The following VPS8 variants were observed in gnomAD, a reference collection of about 807,000 sequenced individuals.
VPS8 encodes vacuolar protein sorting-associated protein 8 homolog.
Under a neutral mutation model 216.4 loss-of-function variants are expected in VPS8, and 129 were observed. The ratio of observed to expected loss-of-function variants is 0.60; its 90% CI spans 0.52 to 0.69. The LOEUF (loss-of-function observed/expected upper bound fraction) is 0.69. Ranked by LOEUF, VPS8 falls within the 30% of genes least tolerant of loss-of-function variation. The pLI is 0.00. For synonymous variants in VPS8, 571 were observed against 565.4 expected (o/e 1.01, Z -0.14); for missense variants, 1,531 against 1,683.5 (o/e 0.91, Z 1.59).
chr3:184,930,960 T>C (rs1479296934), intron 34 of VPS8, among the ~76,000 whole-genome samples: 4 of 152,208 alleles, frequency 2.6e-5, no homozygotes, highest in African/African-American at 9.7e-5. Flanking sequence ...TTCTCTTCCT[T>C]ATATAACAGG....
chr3:184,863,152 T>C, intron 16 of VPS8, 85 bp downstream of exon 16: 6 of 1,498,474 alleles, frequency 4.0e-6, no homozygotes, highest in Non-Finnish European at 5.4e-6. Flanking sequence ...AAATAGGAAC[T>C]CTGGGGAGTT....
At chr3:184,858,454 T>A (rs1284582493) in intron 14 of VPS8, among the ~76,000 whole-genome samples, 1 of 152,240 alleles carries the variant, frequency 6.6e-6, no homozygotes, top group African/African-American at 2.4e-5. Context: ...CTTGGGAATT[T>A]AATCATGCCA....
At chr3:184,928,420 G>C (rs1416198300) in intron 31 of VPS8, 31 bp from the exon 32 acceptor site, 1 of 1,511,060 alleles carries the variant, frequency 6.6e-7, no homozygotes, top group Non-Finnish European at 8.8e-7. Context: ...AAATTCTCAA[G>C]TGTTTTTACT....
In VPS8 at chr3:184,826,160, T is replaced by C. The variant is rs1219878004; in HGVS notation, c.154-3T>C. 1 of 1,603,940 alleles carries C rather than the reference T, an allele frequency of 6.2e-7. No individual in the cohort carries two copies. The highest frequency in any genetic ancestry group is 1.7e-5 in the Admixed American group (1 of 59,202). On this transcript the variant is annotated splice_polypyrimidine_tract_variant and splice_region_variant and intron_variant, in intron 2 of 47. Transcript: ENST00000625842. ...GTGAGCACTATTTTTTTTCTTTATT[T>C]AGATTGATGACAAGGAGTTTGATAT...
chr3:184,892,949 T>C (rs1389024225), intron 22 of VPS8, among the ~76,000 whole-genome samples: 1 of 152,218 alleles, frequency 6.6e-6, no homozygotes, highest in African/African-American at 2.4e-5. Context: ...TGTTACTTTT[T>C]CTTTCTTACA....
Position 184,975,269 on chromosome 3 carries a change from T to A in VPS8, c.3420+3517T>A, listed in dbSNP as rs980877302. 2.0e-4 allele frequency among the ~76,000 whole-genome samples: 31 copies of A among 152,150 alleles called. 1 individual carries two copies. The highest frequency in any genetic ancestry group is 2.9e-5 in the Non-Finnish European group (2 of 67,976). ...ATATAAAGGTCTTTCACCTCCTTGG[T>A]TAAATGTATTCCTAGGTATTTTGTT... On this transcript the variant is annotated intron_variant, in intron 40 of 47. Coordinates refer to ENST00000625842, the MANE Select transcript of VPS8 (RefSeq NM_001009921.3).
At chr3:184,858,754 C>G (rs1263398642) in intron 14 of VPS8, among the ~76,000 whole-genome samples, 1 of 152,194 alleles carries the variant, frequency 6.6e-6, no homozygotes, top group Non-Finnish European at 1.5e-5. Flanking sequence ...AGAAAGTCAA[C>G]AAGCAAAATG....
intron 25 of VPS8, among the ~76,000 whole-genome samples, chr3:184,910,611 T>G (rs1375428004): frequency 6.6e-6 from 1 of 152,268 alleles, no homozygotes; most frequent in Admixed American, 6.5e-5. Flanking sequence ...ACTTCAGATG[T>G]GGGCAGACAA....
rs1399948472 is a variant in VPS8 at position 184,875,786 on chromosome 3, A to G, written c.1734+4981A>G. On this transcript the variant is annotated intron_variant, in intron 21 of 47. Coordinates refer to ENST00000625842, the MANE Select transcript of VPS8 (RefSeq NM_001009921.3). ...TGGATCACTTGAGCTCAGGAGTTTG[A>G]GACAGCCTTGGCAACATAGTGAAAC... 2.0e-5 allele frequency among the ~76,000 whole-genome samples: 3 copies of G among 149,862 alleles called. No homozygotes were observed. In the East Asian group the frequency reaches 5.9e-4, roughly 30 times the overall value.
At chr3:184,872,965 C>T (rs1382330852) in intron 21 of VPS8, among the ~76,000 whole-genome samples, 1 of 151,966 alleles carries the variant, frequency 6.6e-6, no homozygotes. Context: ...AGATACATAC[C>T]AGAAGTATCA....
At chr3:184,965,533 A>G (rs946322142) in intron 38 of VPS8, among the ~76,000 whole-genome samples, 31 of 152,238 alleles carry the variant, frequency 2.0e-4, no homozygotes, top group African/African-American at 7.5e-4. Context: ...CAGCAGCTTC[A>G]CTAGGGCTCC....
chr3:184,818,258 G>A (rs367966230), intron 1 of VPS8, among the ~76,000 whole-genome samples: 6 of 152,252 alleles, frequency 3.9e-5, no homozygotes, highest in Admixed American at 1.3e-4. Context: ...TGTGCTGGGC[G>A]TGGTGGCTTA....
chr3:184,913,469 G>C (rs1736936879), intron 25 of VPS8, 50 bp from the exon 26 acceptor site: 1 of 1,473,110 alleles, frequency 6.8e-7, no homozygotes, highest in Non-Finnish European at 9.3e-7. Context: ...TTATTTTTCT[G>C]AAAAGGTTTT....
intron 6 of VPS8, 44 bp from the exon 7 acceptor site, chr3:184,839,654 C>G (rs572143896): frequency 6.5e-7 from 1 of 1,547,326 alleles, no homozygotes; most frequent in Non-Finnish European, 8.8e-7. Flanking sequence ...TTTCAAGATT[C>G]TTAATGTAAT....
At position 184,866,021 on chromosome 3, in the gene VPS8, A is replaced by C. The variant is rs180704445; in HGVS notation, c.1396-855A>C. ...AAAAAAAGTTAAACATTGAATTACCAATCTGACTCAGAAGTTCTACTCCTA... is the reference window on the plus strand; with the variant it reads ...AAAAAAAGTTAAACATTGAATTACCCATCTGACTCAGAAGTTCTACTCCTA... On this transcript the variant is annotated intron_variant, in intron 16 of 47. Transcript: ENST00000625842. 2.0e-4 allele frequency among the ~76,000 whole-genome samples: 30 copies of C among 152,078 alleles called. No individual in the cohort carries two copies. In the East Asian group the frequency reaches 5.8e-3, roughly 29 times the overall value.
chr3:184,869,048 GA>G lies in VPS8; in HGVS notation c.1597+14del. ...AAAAGCAGTAGTGGGTGAGTAGGCA[GA>G]ATTCCAGTGTAGTAGACGTGGTTCT... On this transcript the variant is annotated intron_variant, in intron 19 of 47. Transcript: ENST00000625842. The G allele has an allele frequency of 6.3e-7, 1 of 1,595,962 alleles. No individual in the cohort carries two copies.
intron 15 of VPS8, among the ~76,000 whole-genome samples, chr3:184,861,268 C>T (rs2108729175): frequency 6.6e-6 from 1 of 152,120 alleles, no homozygotes; most frequent in South Asian, 2.1e-4. Flanking sequence ...GTCTGGTGTC[C>T]AGTAACATTC....
At chr3:184,824,830 A>G in intron 2 of VPS8, 45 bp downstream of exon 2, 1 of 1,534,030 alleles carries the variant, frequency 6.5e-7, no homozygotes, top group Non-Finnish European at 8.9e-7. Context: ...TAACCAGTGT[A>G]GATTAGAGTA....
At chr3:184,931,056 C>T (rs1415860124) in intron 34 of VPS8, among the ~76,000 whole-genome samples, 1 of 152,076 alleles carries the variant, frequency 6.6e-6, no homozygotes, top group African/African-American at 2.4e-5. Flanking sequence ...GTATTCACTT[C>T]TATTGAAACA....
Sources: allele counts gnomAD v4.1 joint callset (sites outside exome capture counted in the v4.1 genomes callset), GRCh38; gene constraint gnomAD v4.1.1; transcripts MANE v1.5; gene names NCBI Gene and HGNC (gene_info 2026-07-23, HGNC 2026-07-21).